The following ABI1 variants were observed in gnomAD, a reference collection of about 807,000 sequenced individuals.
ABI1 encodes abl interactor 1, also known as Abelson interactor 1.
ABI1 carries 14 observed loss-of-function variants against 54.6 expected under a neutral mutation model. That is an observed-to-expected ratio of 0.26 (90% CI 0.17 to 0.40). ABI1 has a LOEUF of 0.40. Ranked by LOEUF, ABI1 falls within the 10% of genes least tolerant of loss-of-function variation. ABI1 has a pLI of 1.00. For missense variants in ABI1, 443 were observed against 598.3 expected (o/e 0.74, Z 2.71); for synonymous variants, 194 against 209.3 (o/e 0.93, Z 0.63).
At chr10:26,839,614 A>G in intron 1 of ABI1, 1 of 601,660 alleles carries the variant, frequency 1.7e-6, no homozygotes, top group Non-Finnish European at 2.9e-6. Context: ...AATCAGCACC[A>G]CCCTTAACTG....
chr10:26,785,852 T>C (rs1409357885), intron 2 of ABI1, among the ~76,000 whole-genome samples: 2 of 152,144 alleles, frequency 1.3e-5, no homozygotes, highest in African/African-American at 4.8e-5. Flanking sequence ...GTGCAGTGCA[T>C]TACAGGAGAG....
chr10:26,843,174 C>T (rs191374024), intron 1 of ABI1, among the ~76,000 whole-genome samples: 162 of 151,418 alleles, frequency 1.1e-3, no homozygotes, highest in Non-Finnish European at 1.7e-3. Flanking sequence ...TTGGTGGGGT[C>T]CAGCATGGTG....
At chr10:26,802,053 AAGTT>A (rs1564518334) in intron 2 of ABI1, among the ~76,000 whole-genome samples, 1 of 152,198 alleles carries the variant, frequency 6.6e-6, no homozygotes, top group African/African-American at 2.4e-5. Flanking sequence ...CCTTTTAAAA[AAGTT>A]AGGTTAATAA....
intron 2 of ABI1, among the ~76,000 whole-genome samples, chr10:26,816,742 A>C (rs1035494336): frequency 6.6e-6 from 1 of 152,106 alleles, no homozygotes; most frequent in African/African-American, 2.4e-5. Context: ...AAAAAGAGAG[A>C]TTTTAATGTT....
intron 2 of ABI1, among the ~76,000 whole-genome samples, chr10:26,809,443 T>C (rs900485633): frequency 3.3e-5 from 5 of 151,858 alleles, no homozygotes; most frequent in African/African-American, 1.2e-4. Context: ...TCTGCAGTCC[T>C]AGCTACTCGG....
intron 2 of ABI1, among the ~76,000 whole-genome samples, chr10:26,778,802 A>T (rs1232666531): frequency 6.6e-6 from 1 of 152,166 alleles, no homozygotes; most frequent in East Asian, 1.9e-4. Context: ...ACTGTCCAAT[A>T]TAATAAAGTT....
At chr10:26,755,924 A>G (rs1368184653) in intron 8 of ABI1, among the ~76,000 whole-genome samples, 183 bp from the exon 9 acceptor site, 1 of 152,260 alleles carries the variant, frequency 6.6e-6, no homozygotes. Context: ...TACATTTCCC[A>G]CAAGCAAACC....
At chr10:26,854,636 T>C (rs976614870) in intron 1 of ABI1, among the ~76,000 whole-genome samples, 3 of 152,212 alleles carry the variant, frequency 2.0e-5, no homozygotes, top group Non-Finnish European at 4.4e-5. Flanking sequence ...TAAATACATT[T>C]ACATTTCCAA....
intron 2 of ABI1, among the ~76,000 whole-genome samples, chr10:26,816,907 C>G (rs911827298): frequency 1.3e-5 from 2 of 151,986 alleles, no homozygotes; most frequent in African/African-American, 4.8e-5. Flanking sequence ...TACAGTGATC[C>G]TCTGGTTATA....
chr10:26,763,978 A>G (rs904351367), intron 7 of ABI1: 1 of 1,590,422 alleles, frequency 6.3e-7, no homozygotes, highest in Non-Finnish European at 8.6e-7. Flanking sequence ...AATAGTTTAT[A>G]ATTCAGGTCA....
At chr10:26,808,646 G>A (rs1002667988) in intron 2 of ABI1, among the ~76,000 whole-genome samples, 5 of 151,194 alleles carry the variant, frequency 3.3e-5, no homozygotes, top group Non-Finnish European at 5.9e-5. Flanking sequence ...TCGCTTGAAC[G>A]CAGGAGGCAG....
rs201126139 is a variant in ABI1, at chr10:26,860,843, T to C, written c.21A>G (p.Leu7=). Residue 7 remains leucine (L), a synonymous_variant, in exon 1 of 11, where the codon TTA becomes TTG. Coordinates refer to ENST00000376140, the MANE Select transcript of ABI1 (RefSeq NM_001012750.3). The surrounding 1 kb of genome is among the most constrained non-coding windows in gnomAD (Gnocchi z 4.1). MAELQM[L]LEEEIPSGKR... ...TGCCAGACGGGATCTCCTCCTCTAG[T>C]AACATCTGCAGCTCTGCCATTTTCC... 3 of 1,614,098 alleles carry C rather than the reference T, an allele frequency of 1.9e-6. No individual in the cohort carries two copies. Among genetic ancestry groups the C allele is most frequent in the Non-Finnish European group, 2.5e-6 (3 of 1,179,992 alleles).
chr10:26,799,739 A>T (rs913388090), intron 2 of ABI1, among the ~76,000 whole-genome samples: 48 of 152,344 alleles, frequency 3.2e-4, no homozygotes, highest in African/African-American at 1.1e-3. Context: ...TACCATTTGC[A>T]ATTCAAAACC....
At chr10:26,826,324 A>G (rs1246996319) in intron 1 of ABI1, among the ~76,000 whole-genome samples, 1 of 152,208 alleles carries the variant, frequency 6.6e-6, no homozygotes, top group East Asian at 1.9e-4. Context: ...TTTGAATGGA[A>G]TCTTTTTATC....
At chr10:26,804,675 A>T (rs932536335) in intron 2 of ABI1, among the ~76,000 whole-genome samples, 2 of 152,220 alleles carry the variant, frequency 1.3e-5, no homozygotes, top group Non-Finnish European at 2.9e-5. Flanking sequence ...TTCCTTATTT[A>T]ATCTCCAAGG....
At chr10:26,856,475 G>A (rs1459503870) in intron 1 of ABI1, among the ~76,000 whole-genome samples, 1 of 123,534 alleles carries the variant, frequency 8.1e-6, no homozygotes, top group Non-Finnish European at 1.7e-5. Flanking sequence ...GACACAGTTT[G>A]TAAACTGGCA....
At chr10:26,819,306 C>T (rs978381474) in intron 2 of ABI1, among the ~76,000 whole-genome samples, 10 of 152,040 alleles carry the variant, frequency 6.6e-5, no homozygotes, top group African/African-American at 2.4e-4. Context: ...TCAGACAAAG[C>T]AGATTTCTGA....
At position 26,751,734 on chromosome 10, in the gene ABI1, G is replaced by C; in HGVS notation, c.1134C>G (p.Pro378=). 6.2e-7 allele frequency: 1 copy of C among 1,613,526 alleles called. No individual in the cohort carries two copies. Among genetic ancestry groups the C allele is most frequent in the Non-Finnish European group, 8.5e-7 (1 of 1,179,800 alleles). ...GGGGAGGTGGAGAGTCATCAAACATGGGAATGTCATCTGGTGGAGGTGGTG... is the reference window on the plus strand; with the variant it reads ...GGGGAGGTGGAGAGTCATCAAACATCGGAATGTCATCTGGTGGAGGTGGTG... ...PPPPPPPDDI[P]MFDDSPPPPP... is the part of the protein sequence containing the mutation. Residue 378 remains proline (P), a synonymous_variant, in exon 10 of 11, where the codon CCC becomes CCG. Coordinates refer to ENST00000376140, the MANE Select transcript of ABI1 (RefSeq NM_001012750.3).
At chr10:26,806,064 C>G (rs1234725136) in intron 2 of ABI1, among the ~76,000 whole-genome samples, 1 of 152,180 alleles carries the variant, frequency 6.6e-6, no homozygotes, top group African/African-American at 2.4e-5. Flanking sequence ...ATCTATACTC[C>G]GTATCAACAT....
Sources: allele counts gnomAD v4.1 joint callset (sites outside exome capture counted in the v4.1 genomes callset), GRCh38; gene constraint gnomAD v4.1.1; non-coding constraint Gnocchi (gnomAD v3.1); transcripts MANE v1.5; gene names NCBI Gene and HGNC (gene_info 2026-07-23, HGNC 2026-07-21).